ANKRD36C: variants seen among roughly 807,000 people sequenced by gnomAD.
The protein encoded by ANKRD36C is ankyrin repeat domain-containing protein 36C.
Under a neutral mutation model 276.4 loss-of-function variants are expected in ANKRD36C, and 61 were observed. That is an observed-to-expected ratio of 0.22 (90% CI 0.18 to 0.27). ANKRD36C has a LOEUF of 0.27. Among genes scored for constraint, ANKRD36C ranks in the 10% least tolerant of loss-of-function variants. The pLI is 1.00. For synonymous variants in ANKRD36C, 483 were observed against 680.1 expected (o/e 0.71, Z 4.51); for missense variants, 1,447 against 2,032.3 (o/e 0.71, Z 5.54).
chr2:95,973,286 C>A (rs1678735061), intron 6 of ANKRD36C, among the ~76,000 whole-genome samples: 1 of 151,976 alleles, frequency 6.6e-6, no homozygotes, highest in African/African-American at 2.4e-5. Flanking sequence ...GTGGTGCATG[C>A]CTGTAGTCCC....
At chr2:95,955,802 G>A (rs1398611767) in intron 13 of ANKRD36C, among the ~76,000 whole-genome samples, 1 of 152,076 alleles carries the variant, frequency 6.6e-6, no homozygotes, top group African/African-American at 2.4e-5. Flanking sequence ...ACTTGATCAG[G>A]ATGTTAAGCA....
chr2:95,987,788 A>G (rs2104546432), intron 1 of ANKRD36C, among the ~76,000 whole-genome samples: 1 of 152,062 alleles, frequency 6.6e-6, no homozygotes, highest in South Asian at 2.1e-4. Flanking sequence ...CGCCCGGCTA[A>G]TTTTTACAAA....
chr2:95,865,706 C>T (rs905685927), intron 60 of ANKRD36C, among the ~76,000 whole-genome samples: 9 of 152,122 alleles, frequency 5.9e-5, no homozygotes, highest in South Asian at 2.1e-4. Flanking sequence ...TACATGAGGT[C>T]GGATGTAGAA....
chr2:95,896,656 G>C (rs1676560307), intron 44 of ANKRD36C, among the ~76,000 whole-genome samples: 2 of 140,802 alleles, frequency 1.4e-5, no homozygotes, highest in Non-Finnish European at 3.1e-5. Flanking sequence ...TTATACCATT[G>C]TTTCCTGCTT....
chr2:95,944,565 G>A (rs1365643472), intron 19 of ANKRD36C, 62 bp downstream of exon 19: 1 of 1,442,560 alleles, frequency 6.9e-7, no homozygotes, highest in Admixed American at 2.0e-5. Context: ...ATAAGAGTGA[G>A]TTGGTGAACA....
chr2:95,925,271 C>A, intron 30 of ANKRD36C, 81 bp downstream of exon 30: 2 of 1,536,716 alleles, frequency 1.3e-6, no homozygotes, highest in Admixed American at 4.1e-5. Context: ...TTTTCAATGA[C>A]ACTCCACTGA....
intron 42 of ANKRD36C, 119 bp downstream of exon 44, chr2:95,912,125 G>A (rs1189593740): frequency 7.4e-5 from 103 of 1,387,924 alleles, no homozygotes; most frequent in Non-Finnish European, 9.8e-6. Context: ...TAGAAATGAA[G>A]AATCTCAGGC....
chr2:95,911,026 C>T (rs1047720968), intron 42 of ANKRD36C, among the ~76,000 whole-genome samples: 2 of 151,486 alleles, frequency 1.3e-5, no homozygotes, highest in African/African-American at 4.8e-5. Context: ...TGAGAAGGCA[C>T]ACAATTGCGA....
intron 54 of ANKRD36C, among the ~76,000 whole-genome samples, chr2:95,883,433 C>T (rs1243154207): frequency 1.3e-5 from 2 of 152,064 alleles, no homozygotes; most frequent in African/African-American, 2.4e-5. Flanking sequence ...AATTGAAAAG[C>T]AAAGCCAATA....
rs543975734 is a variant in ANKRD36C, at chr2:95,931,582, C to A, written c.1736-2315G>T. 9.7e-4 allele frequency among the ~76,000 whole-genome samples: 146 copies of A among 149,996 alleles called. 4 individuals carry two copies. In the South Asian group the frequency reaches 0.03, roughly 31 times the overall value. ...TTGAATATAACCTATTTAGAAACTT[C>A]TTTAACTACAATGACAGTCTCTCCT... On this transcript the variant is annotated intron_variant, in intron 24 of 66. Coordinates refer to ENST00000456556, the Ensembl canonical transcript of ANKRD36C.
In ANKRD36C at chr2:95,987,461, T is replaced by C. The variant is rs555232757; in HGVS notation, c.198-255A>G. 1.6e-3 allele frequency among the ~76,000 whole-genome samples: 240 copies of C among 152,048 alleles called. 8 individuals carry two copies. The East Asian group carries it at 0.042, about 27-fold the overall frequency. On this transcript the variant is annotated intron_variant, in intron 1 of 66. Transcript: ENST00000456556. ...TTAGCCTTTCTTTGCTTCAATTTCC[T>C]TATCAATAAAATATATAAGAGAATA... is the stretch of plus-strand genomic sequence containing the variant.
Position 95,965,498 on chromosome 2 carries a change from G to A in ANKRD36C, c.800-2951C>T, listed in dbSNP as rs55766230. On this transcript the variant is annotated intron_variant, in intron 6 of 66. Transcript: ENST00000456556. ...GATTTTCTCAGGGTCATGACATGTC[G>A]AAAAGACATGCTTTAAGGGGGAAAC... 2.0e-3 allele frequency among the ~76,000 whole-genome samples: 304 copies of A among 151,782 alleles called. 1 individual carries two copies. In the Middle Eastern group the frequency reaches 0.027, roughly 14 times the overall value.
intron 42 of ANKRD36C, among the ~76,000 whole-genome samples, chr2:95,907,744 T>A (rs1213429553): frequency 6.7e-6 from 1 of 149,208 alleles, no homozygotes; most frequent in Non-Finnish European, 1.5e-5. Context: ...AAGAGGTAGC[T>A]CCTTGAACAA....
At chr2:95,889,841 T>G (rs1676293095) in exon 48 of ANKRD36C, 2 of 1,602,484 alleles carry the variant, frequency 1.2e-6, no homozygotes, top group East Asian at 2.3e-5. Context: ...GTGGCCATAT[T>G]CGGAACAGAA....
intron 6 of ANKRD36C, among the ~76,000 whole-genome samples, chr2:95,968,480 A>G (rs1678637874): frequency 1.3e-5 from 2 of 152,186 alleles, no homozygotes; most frequent in South Asian, 4.1e-4. Flanking sequence ...TTTCTGGACA[A>G]ATGAACCAGG....
chr2:95,965,924 A>G (rs892958427), intron 6 of ANKRD36C, among the ~76,000 whole-genome samples: 2 of 152,128 alleles, frequency 1.3e-5, no homozygotes, highest in Non-Finnish European at 2.9e-5. Flanking sequence ...AGAGGTTTTT[A>G]ATGTGCATTT....
chr2:95,871,353 G>C (rs1675807340), intron 59 of ANKRD36C, among the ~76,000 whole-genome samples: 1 of 152,060 alleles, frequency 6.6e-6, no homozygotes. Flanking sequence ...GAGAGTGGGG[G>C]CCAATATTCA....
At chr2:95,895,649 C>G in intron 44 of ANKRD36C, 59 bp from the exon 61 acceptor site, 2 of 1,566,992 alleles carry the variant, frequency 1.3e-6, no homozygotes, top group Non-Finnish European at 1.7e-6. Context: ...GTTATCCATA[C>G]ATTCACACAG....
At chr2:95,923,774 G>A (rs1393404614) in intron 30 of ANKRD36C, 85 bp from the exon 31 acceptor site, 1 of 1,566,540 alleles carries the variant, frequency 6.4e-7, no homozygotes. Context: ...GAATCAAGCT[G>A]TATGCTCCTG....
Sources: allele counts gnomAD v4.1 joint callset (sites outside exome capture counted in the v4.1 genomes callset), GRCh38; gene constraint gnomAD v4.1.1; transcripts MANE v1.5; gene names NCBI Gene and HGNC (gene_info 2026-07-23, HGNC 2026-07-21).